Variants in DVL2 observed in about 807,000 individuals in gnomAD.
DVL2 encodes segment polarity protein dishevelled homolog DVL-2.
Under a neutral mutation model 69.8 loss-of-function variants are expected in DVL2, and 38 were observed. The ratio of observed to expected loss-of-function variants is 0.54; its 90% CI spans 0.42 to 0.71. The LOEUF (loss-of-function observed/expected upper bound fraction) is 0.71, where lower values mean the gene tolerates loss of function less well. DVL2 is among the 30% of genes least tolerant of loss of function. DVL2 has a pLI of 0.00. For missense variants in DVL2, 931 were observed against 1,008.1 expected (o/e 0.92, Z 1.04); for synonymous variants, 428 against 392.4 (o/e 1.09, Z -1.07).
chr17:7,227,980 G>C lies in DVL2; in HGVS notation c.1099C>G (p.Arg367Gly), dbSNP rs145282702. 718 of 1,573,582 alleles carry C rather than the reference G, an allele frequency of 4.6e-4. No individual in the cohort carries two copies. Among genetic ancestry groups the C allele is most frequent in the Non-Finnish European group, 5.9e-4 (682 of 1,159,914 alleles). ...CCCCTCCCTGAGTGTCACTCACTTC[G>C]GGGGAGAGTGAAATAGGCCTGAGGA... ...PSPQAYFTLP[R>G]NEPIQPIDPA... Residue 367 changes from arginine (R) to glycine (G), a missense_variant, in exon 10 of 15, where the codon CGA becomes GGA. By Grantham distance (125) the Arg-to-Gly change is moderately radical. Coordinates refer to ENST00000005340, the MANE Select transcript of DVL2 (RefSeq NM_004422.3).
intron 10 of DVL2, 69 bp from the exon 11 acceptor site, chr17:7,227,852 T>C (rs952085183): frequency 3.2e-6 from 5 of 1,557,286 alleles, no homozygotes; most frequent in African/African-American, 1.4e-5. Context: ...CCTCCCTGAC[T>C]CAGCCTCCTG....
intron 13 of DVL2, 70 bp downstream of exon 13, chr17:7,227,020 G>C: frequency 2.0e-6 from 3 of 1,486,036 alleles, no homozygotes; most frequent in Non-Finnish European, 1.8e-6. Context: ...TTCTGGGCTA[G>C]GTCTAGGGTT....
chr17:7,227,642 G>A lies in DVL2; in HGVS notation c.1231+13C>T, dbSNP rs1030085451. 6.2e-7 allele frequency: 1 copy of A among 1,614,152 alleles called. No homozygotes were observed. The highest frequency in any genetic ancestry group is 8.5e-7 in the Non-Finnish European group (1 of 1,180,018). On this transcript the variant is annotated intron_variant, in intron 11 of 14. Coordinates refer to ENST00000005340, the MANE Select transcript of DVL2 (RefSeq NM_004422.3). ...CTGCTGGGAGGGTGGGATGAGGTGG[G>A]CTGGCGGCTCACCATCAGGCAAAGA...
In DVL2 at chr17:7,234,134, G is replaced by GA; in HGVS notation, c.128dup (p.Lys44GlnfsTer31). The GA allele has an allele frequency of 6.2e-7, 1 of 1,614,156 alleles. No individual in the cohort carries two copies. The highest frequency in any genetic ancestry group is 1.1e-5 in the South Asian group (1 of 91,086). On this transcript the variant is annotated frameshift_variant, in exon 1 of 15. Transcript: ENST00000005340. LOFTEE classifies it high-confidence loss of function. ...CCGCGGGCCGCTGCAGGACGCTCTT[G>GA]AAATCGCCGAGGGTGATGCGCTCGG...
rs2071483576 is a variant in DVL2, at chr17:7,227,964, G to C, written c.1102+13C>G. 1.3e-6 allele frequency: 2 copies of C among 1,575,668 alleles called. No homozygotes were observed. The highest frequency in any genetic ancestry group is 1.7e-6 in the Non-Finnish European group (2 of 1,160,462). On this transcript the variant is annotated intron_variant, in intron 10 of 14. Coordinates refer to ENST00000005340, the MANE Select transcript of DVL2 (RefSeq NM_004422.3). ...CACCCCCAACTTCAGGCCCCTCCCTGAGTGTCACTCACTTCGGGGGAGAGT... is the reference window on the plus strand; with the variant it reads ...CACCCCCAACTTCAGGCCCCTCCCTCAGTGTCACTCACTTCGGGGGAGAGT...
intron 13 of DVL2, 95 bp downstream of exon 13, chr17:7,226,995 G>A: frequency 7.9e-7 from 1 of 1,261,612 alleles, no homozygotes; most frequent in Non-Finnish European, 1.1e-6. Context: ...CATCCATGGT[G>A]GCCCTGGCTG....
chr17:7,226,265 G>A lies in DVL2; in HGVS notation c.1811C>T (p.Thr604Met), dbSNP rs773310143. Reference sequence around the variant, plus strand: ...GGGGGCCCGCTCCTCGGGCCTCCCCGTGCGCCCTGCCCCCCCATCACTCCG... The same window carrying A: ...GGGGGCCCGCTCCTCGGGCCTCCCCATGCGCCCTGCCCCCCCATCACTCCG... ...STRSDGGAGR[T>M]GRPEERAPES... The change falls in exon 15 of 15, where the codon ACG becomes ATG. Residue 604 changes from threonine (T) to methionine (M), a missense_variant. Physicochemically the swap from Thr to Met is moderately conservative, Grantham distance 81. Coordinates refer to ENST00000005340, the MANE Select transcript of DVL2 (RefSeq NM_004422.3). 1.4e-5 allele frequency: 22 copies of A among 1,602,578 alleles called. No homozygotes were observed. Among genetic ancestry groups the A allele is most frequent in the Admixed American group, 6.8e-5 (4 of 58,728 alleles).
intron 1 of DVL2, among the ~76,000 whole-genome samples, chr17:7,232,803 G>C (rs1328357687): frequency 1.3e-5 from 2 of 152,158 alleles, no homozygotes; most frequent in Non-Finnish European, 2.9e-5. Flanking sequence ...AAAAAGCAGA[G>C]GTTGGGCCGG....
At chr17:7,231,446 C>CAAAA (rs57713433) in intron 1 of DVL2, among the ~76,000 whole-genome samples, 1 of 98,858 alleles carries the variant, frequency 1.0e-5, no homozygotes, top group Non-Finnish European at 2.1e-5. Context: ...CTGGGCGGCT[C>CAAAA]AAAAAAAAAA....
Position 7,229,840 on chromosome 17 carries a change from C to A in DVL2, c.624G>T (p.Leu208=). 1 of 1,612,652 alleles carries A rather than the reference C, an allele frequency of 6.2e-7. No individual in the cohort carries two copies. ...LMTSELESTS[L]GDSDEEDTMS... ...TGGTGTCCTCCTCGTCCGAGTCCCC[C>A]AGGCTGGTACTCTCCAGCTCGCTGG... Residue 208 remains leucine, a synonymous_variant, in exon 5 of 15, where the codon CTG becomes CTT. Transcript: ENST00000005340. This position sits in a 1 kb window ranked among gnomAD's most constrained non-coding sequence, Gnocchi z 4.4.
In DVL2 at chr17:7,234,284, G is replaced by A. The variant is rs545674295; in HGVS notation, c.-22C>T. The A allele has an allele frequency of 2.4e-5, 38 of 1,601,168 alleles. No homozygotes were observed. In the East Asian group the frequency reaches 8.5e-4, roughly 36 times the overall value. On this transcript the variant is annotated 5_prime_UTR_variant, in exon 1 of 15. Coordinates refer to ENST00000005340, the MANE Select transcript of DVL2 (RefSeq NM_004422.3). ...CCATGGTCTCGCCCGCGCGCTCCCG[G>A]GCTCCACCGCCCACCCAAAGGGCTA...
rs548876919 is a variant in DVL2, at chr17:7,229,500, G to C, written c.748-53C>G. On this transcript the variant is annotated intron_variant, in intron 6 of 14. Coordinates refer to ENST00000005340, the MANE Select transcript of DVL2 (RefSeq NM_004422.3). The surrounding 1 kb of genome is among the most constrained non-coding windows in gnomAD (Gnocchi z 4.4). Reference sequence around the variant, plus strand: ...CCTTCAATAACCCAGGGTCAACCCTGGGGTGCTGCCGGTGTCCTGGCACCG... The same window carrying C: ...CCTTCAATAACCCAGGGTCAACCCTCGGGTGCTGCCGGTGTCCTGGCACCG... 547 of 1,613,080 alleles carry C rather than the reference G, an allele frequency of 3.4e-4. 4 individuals are homozygous for C. Among genetic ancestry groups the C allele is most frequent in the South Asian group, 2.9e-3 (265 of 91,064 alleles).
At chr17:7,227,619 G>T (rs759232322) in intron 11 of DVL2, 36 bp downstream of exon 11, 8 of 1,614,160 alleles carry the variant, frequency 5.0e-6, no homozygotes, top group Non-Finnish European at 6.8e-6. Flanking sequence ...ACAGCCTTCT[G>T]CTGGGAGGGT....
chr17:7,226,987 T>C, intron 13 of DVL2, 103 bp downstream of exon 13: 5 of 1,197,954 alleles, frequency 4.2e-6, no homozygotes, highest in Non-Finnish European at 5.9e-6. Context: ...TGCTCGACCA[T>C]CCATGGTGGC....
In DVL2 at chr17:7,227,503, C is replaced by T. The variant is rs1425694083; in HGVS notation, c.1264G>A (p.Asp422Asn). 1.2e-6 allele frequency: 2 copies of T among 1,614,166 alleles called. No individual in the cohort carries two copies. Among genetic ancestry groups the T allele is most frequent in the Non-Finnish European group, 1.7e-6 (2 of 1,180,014 alleles). ...ATGGCCTTGGTCACCGATGCCATGT[C>T]CGTATGGACGGAGAGACCCCGGCCT... is the stretch of plus-strand genomic sequence containing the variant. ...CEGRGLSVHTDMASVTKAMAA... is the reference protein window; with the variant it reads ...CEGRGLSVHTNMASVTKAMAA... The change falls in exon 12 of 15, where the codon GAC becomes AAC. Residue 422 changes from aspartate to asparagine, a missense_variant. This residue lies in a region of DVL2 where 555 missense variants were observed against 588.8 expected (regional missense o/e 0.94). Transcript: ENST00000005340.
In DVL2 at chr17:7,234,228, C is replaced by G; in HGVS notation, c.35G>C (p.Gly12Ala). The G allele has an allele frequency of 6.2e-7, 1 of 1,613,792 alleles. No individual in the cohort carries two copies. The highest frequency in any genetic ancestry group is 8.5e-7 in the Non-Finnish European group (1 of 1,179,918). Residue 12 changes from glycine to alanine, a missense_variant, in exon 1 of 15, where the codon GGG becomes GCG. Gly to Ala is a moderately conservative substitution (Grantham distance 60). Coordinates refer to ENST00000005340, the MANE Select transcript of DVL2 (RefSeq NM_004422.3). ...AGSSTGGGGV[G>A]ETKVIYHLDE... ...CAGGTGGTAAATCACCTTCGTCTCC[C>G]CAACCCCACCGCCCCCAGTGCTGCT...
intron 14 of DVL2, 46 bp from the exon 15 acceptor site, chr17:7,226,359 C>T (rs1208237675): frequency 9.1e-6 from 14 of 1,532,744 alleles, no homozygotes; most frequent in Non-Finnish European, 1.1e-5. Context: ...CCAGGCTCCT[C>T]CCTGGCTCCC....
chr17:7,233,087 CAAA>C (rs59984818), intron 1 of DVL2, among the ~76,000 whole-genome samples: 4 of 36,278 alleles, frequency 1.1e-4, no homozygotes, highest in East Asian at 9.5e-4. Flanking sequence ...GAGACTGTCT[CAAA>C]AAAAAAAAAA....
In DVL2 at chr17:7,229,197, T is replaced by C. The variant is rs1480140879; in HGVS notation, c.895A>G (p.Ile299Val). 1.2e-6 allele frequency: 2 copies of C among 1,614,182 alleles called. No individual in the cohort carries two copies. The highest frequency in any genetic ancestry group is 1.7e-6 in the Non-Finnish European group (2 of 1,180,030). ...RGDGGIYIGS[I>V]MKGGAVAADG... ...GCCGCCACAGCCCCACCCTTCATGA[T>C]GGAGCCAATGTAGATGCCTCCGTCT... The change falls in exon 8 of 15, where the codon ATC becomes GTC. Residue 299 changes from isoleucine to valine, a missense_variant. Physicochemically the swap from Ile to Val is conservative, Grantham distance 29. Transcript: ENST00000005340. The surrounding 1 kb of genome is among the most constrained non-coding windows in gnomAD (Gnocchi z 4.4).
Sources: allele counts gnomAD v4.1 joint callset (sites outside exome capture counted in the v4.1 genomes callset), GRCh38; gene constraint gnomAD v4.1.1; regional missense constraint gnomAD v4.1.1; non-coding constraint Gnocchi (gnomAD v3.1); transcripts MANE v1.5; gene names NCBI Gene and HGNC (gene_info 2026-07-23, HGNC 2026-07-21).